FOXN3: variants seen among roughly 807,000 people sequenced by gnomAD.
FOXN3 encodes forkhead box N3.
FOXN3 carries 7 observed loss-of-function variants against 38.4 expected under a neutral mutation model. That is an observed-to-expected ratio of 0.18 (90% CI 0.10 to 0.34). FOXN3 has a LOEUF of 0.34. Ranked by LOEUF, FOXN3 falls within the 10% of genes least tolerant of loss-of-function variation. The pLI is 1.00. For missense variants in FOXN3, 456 were observed against 613.4 expected, an observed-to-expected ratio of 0.74 and a Z score of 2.71; for synonymous variants, 230 against 242.2, an observed-to-expected ratio of 0.95 and a Z score of 0.47.
chr14:89,380,957 CATG>C (rs1890626383), intron 2 of FOXN3, among the ~76,000 whole-genome samples: 1 of 151,940 alleles, frequency 6.6e-6, no homozygotes, highest in African/African-American at 2.4e-5. Context: ...GCCTCACCAA[CATG>C]ATGAAACCCC....
In FOXN3 at chr14:89,412,586, T is replaced by A. The variant is rs1233980989; in HGVS notation, c.-14-96A>T. On this transcript the variant is annotated intron_variant, in intron 1 of 5. Transcript: ENST00000557258. This position sits in a 1 kb window ranked among gnomAD's most constrained non-coding sequence, Gnocchi z 4.7. ...GATCCTGTTGCCTCCCTCTGCCGCC[T>A]CTATGGAACCCCTGCTACACAGGAA... 9 of 962,188 alleles carry A rather than the reference T, an allele frequency of 9.4e-6. No individual in the cohort carries two copies. The highest frequency in any genetic ancestry group is 8.4e-5 in the Admixed American group (3 of 35,654). The allele number at this position is 962,188 out of a possible 1,614,324, so 59.6% of individuals were successfully genotyped here. A position where few individuals can be genotyped will look rare whatever the true frequency, so the allele number is the denominator to read the frequency against.
rs1458555082 is a variant in FOXN3, at chr14:89,164,364, C to T, written c.852-1395G>A. 6.6e-6 allele frequency among the ~76,000 whole-genome samples: 1 copy of T among 152,184 alleles called. No individual in the cohort carries two copies. Among genetic ancestry groups the T allele is most frequent in the South Asian group, 2.1e-4 (1 of 4,826 alleles). ...CAGGGATGGGAACTGTTCTATGGCA[C>T]CATGCTGGCCCGGTTTCCTGTAAGC... is the stretch of plus-strand genomic sequence containing the variant. On this transcript the variant is annotated intron_variant, in intron 5 of 5. Coordinates refer to ENST00000557258, the MANE Select transcript of FOXN3 (RefSeq NM_005197.4). This position sits in a 1 kb window ranked among gnomAD's most constrained non-coding sequence, Gnocchi z 4.3.
rs1218945779 is a variant in FOXN3 at position 89,548,637 on chromosome 14, G to T, written c.-15+70391C>A. Among the ~76,000 whole-genome samples the T allele has an allele frequency of 6.6e-6, 1 of 152,106 alleles. No homozygotes were observed. Among genetic ancestry groups the T allele is most frequent in the African/African-American group, 2.4e-5 (1 of 41,408 alleles). On this transcript the variant is annotated intron_variant, in intron 1 of 6. Transcript: ENST00000345097. The surrounding 1 kb of genome is among the most constrained non-coding windows in gnomAD (Gnocchi z 4.8). ...CTATAATTAGAACCTTAATGTAAAT[G>T]TAAGTTATTACCATAATAATGATGA...
At chr14:89,338,203 C>G (rs571502180) in intron 3 of FOXN3, among the ~76,000 whole-genome samples, 1 of 152,176 alleles carries the variant, frequency 6.6e-6, no homozygotes. Context: ...TCTCCCTCCC[C>G]CTCCAAACAT....
chr14:89,480,263 C>T (rs1250549531), intron 1 of FOXN3, among the ~76,000 whole-genome samples: 7 of 152,048 alleles, frequency 4.6e-5, no homozygotes, highest in African/African-American at 1.5e-4. Context: ...ATTAGCCAGG[C>T]GTGGTGGCGG....
At chr14:89,334,023 GTA>G (rs1156868293) in intron 3 of FOXN3, among the ~76,000 whole-genome samples, 1 of 41,586 alleles carries the variant, frequency 2.4e-5, no homozygotes, top group Non-Finnish European at 4.8e-5. Flanking sequence ...TATAAATGTG[GTA>G]TACACACACA....
chr14:89,308,987 C>A (rs1887455707), intron 3 of FOXN3, among the ~76,000 whole-genome samples: 1 of 152,204 alleles, frequency 6.6e-6, no homozygotes, highest in South Asian at 2.1e-4. Flanking sequence ...CACTAGTTCC[C>A]TTGAGGCCTG....
chr14:89,216,410 A>G (rs963276692), intron 4 of FOXN3, among the ~76,000 whole-genome samples: 2 of 152,188 alleles, frequency 1.3e-5, no homozygotes, highest in African/African-American at 4.8e-5. Context: ...ATCATAGAAT[A>G]GATGCATTCA....
chr14:89,349,566 C>T (rs943504085), intron 3 of FOXN3: 1 of 152,686 alleles, frequency 6.5e-6, no homozygotes, highest in African/African-American at 2.4e-5. Context: ...TATGGAGACG[C>T]TCCAGTTGCT....
intron 1 of FOXN3, among the ~76,000 whole-genome samples, chr14:89,488,172 T>C (rs1406244781): frequency 6.6e-6 from 1 of 150,636 alleles, no homozygotes; most frequent in Non-Finnish European, 1.5e-5. Context: ...AACCTCTGCC[T>C]CCCTGGTTCA....
intron 1 of FOXN3, among the ~76,000 whole-genome samples, chr14:89,429,295 G>T (rs1238287453): frequency 6.6e-6 from 1 of 152,218 alleles, no homozygotes; most frequent in Non-Finnish European, 1.5e-5. Flanking sequence ...AATTGAAACA[G>T]TTCAAACCTA....
chr14:89,415,730 A>C (rs1036099063), intron 1 of FOXN3, among the ~76,000 whole-genome samples: 4 of 151,950 alleles, frequency 2.6e-5, no homozygotes, highest in Non-Finnish European at 5.9e-5. Flanking sequence ...GGGAAAAAAA[A>C]AGAATCTGGA....
chr14:89,366,180 G>A (rs1409287194), intron 2 of FOXN3, among the ~76,000 whole-genome samples: 4 of 151,882 alleles, frequency 2.6e-5, no homozygotes, highest in African/African-American at 7.3e-5. Context: ...ATGAACCCGG[G>A]AGGCGGAGTT....
At chr14:89,426,290 C>T (rs1022657403) in intron 1 of FOXN3, among the ~76,000 whole-genome samples, 1 of 137,044 alleles carries the variant, frequency 7.3e-6, no homozygotes, top group Non-Finnish European at 1.5e-5. Flanking sequence ...AGTGGCATGA[C>T]CTCAGCTCAT....
intron 1 of FOXN3, among the ~76,000 whole-genome samples, chr14:89,513,635 C>T (rs1894141741): frequency 6.6e-6 from 1 of 151,770 alleles, no homozygotes; most frequent in African/African-American, 2.4e-5. Flanking sequence ...ACTCTTGTTG[C>T]CCAGGCTGGA....
chr14:89,456,447 T>A (rs1463847224), intron 1 of FOXN3, among the ~76,000 whole-genome samples: 4 of 152,074 alleles, frequency 2.6e-5, no homozygotes, highest in Admixed American at 2.6e-4. Flanking sequence ...GCCCAATAAG[T>A]ATTTTTTCTA....
chr14:89,405,589 A>G (rs1891367203), intron 2 of FOXN3, among the ~76,000 whole-genome samples: 2 of 152,174 alleles, frequency 1.3e-5, no homozygotes. Context: ...AAGGGGTCCT[A>G]TGAGGCAGGG....
At chr14:89,188,616 C>G (rs1045130648) in intron 4 of FOXN3, among the ~76,000 whole-genome samples, 11 of 152,286 alleles carry the variant, frequency 7.2e-5, no homozygotes, top group Non-Finnish European at 1.3e-4. Context: ...TCCCATTTTC[C>G]CTCTGAACTT....
chr14:89,481,683 C>G (rs1259096258), intron 1 of FOXN3, among the ~76,000 whole-genome samples: 1 of 152,174 alleles, frequency 6.6e-6, no homozygotes, highest in Non-Finnish European at 1.5e-5. Flanking sequence ...ATCTCTGTTG[C>G]CTCATCTGAA....
Sources: gnomAD v4.1 joint callset for allele counts (sites outside exome capture counted in the v4.1 genomes callset) on GRCh38, gnomAD v4.1.1 for gene constraint, Gnocchi (gnomAD v3.1) non-coding constraint, MANE v1.5 for transcripts, NCBI Gene and HGNC (gene_info 2026-07-23, HGNC 2026-07-21) for gene names.